NUP50: variants seen among roughly 807,000 people sequenced by gnomAD.
NUP50 encodes nucleoporin 50, also known as nuclear pore complex protein Nup50.
Under a neutral mutation model 36.8 loss-of-function variants are expected in NUP50, and 14 were observed. That is an observed-to-expected ratio of 0.38 (90% confidence interval 0.25 to 0.59). The LOEUF (loss-of-function observed/expected upper bound fraction) is 0.59, where lower values mean the gene tolerates loss of function less well. Among genes scored for constraint, NUP50 ranks in the 20% least tolerant of loss-of-function variants. The pLI is 0.63. For synonymous variants in NUP50, 195 were observed against 210.8 expected (o/e 0.93, Z 0.65); for missense variants, 455 against 564.6 (o/e 0.81, Z 1.97).
Position 45,172,525 on chromosome 22 carries a change from T to C in NUP50, c.153+842T>C, listed in dbSNP as rs112060160. Among the ~76,000 whole-genome samples the C allele has an allele frequency of 8.4e-3, 1,275 of 152,254 alleles. 13 individuals carry two copies. Among genetic ancestry groups the C allele is most frequent in the African/African-American group, 0.029 (1,211 of 41,554 alleles). On this transcript the variant is annotated intron_variant, in intron 3 of 7. Coordinates refer to ENST00000347635, the MANE Select transcript of NUP50 (RefSeq NM_007172.4). ...AGAGGTGCCGTGCCAGTAAGCATAA[T>C]GCAGACTTCCTGGGAGCGGAAATAC...
chr22:45,175,722 A>G (rs1031225287), intron 3 of NUP50, 172 bp from the exon 4 acceptor site: 1 of 567,790 alleles, frequency 1.8e-6, no homozygotes, highest in Middle Eastern at 4.7e-4. Flanking sequence ...GTTCTTATGA[A>G]TACAATCTTC....
chr22:45,164,090 C>G lies in NUP50; in HGVS notation c.-217C>G, dbSNP rs1422601309. ...CCGGCGCTCTCGCCTCCCTGCCGAA[C>G]ACAGCGTGAGGAGCCCCCCCAGGGA... On this transcript the variant is annotated 5_prime_UTR_variant, in exon 1 of 8. Transcript: ENST00000347635. 6.6e-6 allele frequency: 1 copy of G among 152,314 alleles called. No individual in the cohort carries two copies. Among genetic ancestry groups the G allele is most frequent in the Non-Finnish European group, 1.5e-5 (1 of 68,098 alleles). The allele number at this position is 152,314 out of a possible 1,614,324, so 9.4% of individuals were successfully genotyped here.
intron 1 of NUP50, among the ~76,000 whole-genome samples, chr22:45,167,422 G>A (rs1042071236): frequency 6.6e-6 from 1 of 152,154 alleles, no homozygotes; most frequent in African/African-American, 2.4e-5. Flanking sequence ...ACCCTCTTTG[G>A]TTAGGTGCCG....
At chr22:45,178,128 T>G in intron 4 of NUP50, 110 bp from the exon 5 acceptor site, 1 of 946,704 alleles carries the variant, frequency 1.1e-6, no homozygotes, top group Admixed American at 2.4e-5. Flanking sequence ...TGTCTTGGTG[T>G]GGGGGGAGAT....
Position 45,184,778 on chromosome 22 carries a change from G to C in NUP50, c.*123G>C. The stretch of plus-strand genomic sequence containing the variant: ...AACTTATAGATAACTTAAAACTTTT[G>C]TGAGGAAGATTAATGTGGCCAATAA... On this transcript the variant is annotated 3_prime_UTR_variant, in exon 8 of 8. Transcript: ENST00000347635. The C allele has an allele frequency of 1.4e-6, 1 of 710,554 alleles. No homozygotes were observed. Among genetic ancestry groups the C allele is most frequent in the Non-Finnish European group, 2.4e-6 (1 of 416,200 alleles). 44.0% of individuals were successfully genotyped at this position (710,554 alleles called of 1,614,324 possible). A position where few individuals can be genotyped will look rare whatever the true frequency, so the allele number is the denominator to read the frequency against.
chr22:45,165,866 TGAA>T (rs2074087127), intron 1 of NUP50: 1 of 152,244 alleles, frequency 6.6e-6, no homozygotes, highest in Admixed American at 6.5e-5. Context: ...GTTCCACAGA[TGAA>T]GAAACTGAGG....
At chr22:45,184,028 G>T (rs1010107363) in intron 7 of NUP50, 8 of 216,100 alleles carry the variant, frequency 3.7e-5, no homozygotes, top group African/African-American at 1.9e-4. Flanking sequence ...TGACTAGGGA[G>T]TAATAACATG....
At chr22:45,167,922 A>G (rs758219240) in intron 1 of NUP50, among the ~76,000 whole-genome samples, 18 of 152,150 alleles carry the variant, frequency 1.2e-4, no homozygotes, top group Non-Finnish European at 1.9e-4. Context: ...AGTGTTGTTC[A>G]GGACTGCTGG....
At chr22:45,183,366 T>G in intron 6 of NUP50, 36 bp from the exon 7 acceptor site, 1 of 1,243,044 alleles carries the variant, frequency 8.0e-7, no homozygotes, top group Non-Finnish European at 1.2e-6. Context: ...GATTCGTCCT[T>G]GAATGCTTGA....
intron 4 of NUP50, chr22:45,177,675 C>T (rs1368406470): frequency 6.5e-6 from 1 of 152,914 alleles, no homozygotes; most frequent in East Asian, 1.9e-4. Flanking sequence ...AGATAGGCGT[C>T]CTTTTGAAGG....
chr22:45,183,307 G>A (rs2074411542), intron 6 of NUP50, 95 bp from the exon 7 acceptor site: 5 of 737,102 alleles, frequency 6.8e-6, no homozygotes, highest in Admixed American at 2.2e-5. Flanking sequence ...ATTTAATAGA[G>A]ATTTTCCACA....
At chr22:45,183,288 C>T (rs2074411156) in intron 6 of NUP50, 114 bp from the exon 7 acceptor site, 1 of 675,598 alleles carries the variant, frequency 1.5e-6, no homozygotes, top group Non-Finnish European at 2.7e-6. Context: ...CCTGAAGCTT[C>T]CTGTACTCAT....
intron 2 of NUP50, among the ~76,000 whole-genome samples, chr22:45,169,705 T>C (rs1265647109): frequency 1.3e-5 from 2 of 152,232 alleles, no homozygotes; most frequent in Non-Finnish European, 2.9e-5. Context: ...CACGCCCGCA[T>C]AAGGGCCGCT....
Position 45,186,669 on chromosome 22 carries a change from G to C in NUP50, c.*2014G>C, listed in dbSNP as rs1232589892. 1.3e-5 allele frequency: 2 copies of C among 152,594 alleles called. No homozygotes were observed. The highest frequency in any genetic ancestry group is 4.8e-5 in the African/African-American group (2 of 41,422). 9.5% of individuals were successfully genotyped at this position (152,594 alleles called of 1,614,324 possible). ...TAGTTTATATATTTTTAAATTAGTA[G>C]GTATGTGTGGCTTCCTTTTTTCCTA... On this transcript the variant is annotated 3_prime_UTR_variant, in exon 8 of 8. Transcript: ENST00000347635.
At chr22:45,171,996 A>T (rs2074202681) in intron 3 of NUP50, 1 of 287,120 alleles carries the variant, frequency 3.5e-6, no homozygotes, top group East Asian at 6.9e-5. Context: ...AAACGCAAGG[A>T]TCTTCTGAGA....
intron 3 of NUP50, among the ~76,000 whole-genome samples, chr22:45,174,035 A>C (rs2147680318): frequency 6.6e-6 from 1 of 152,334 alleles, no homozygotes; most frequent in Non-Finnish European, 1.5e-5. Flanking sequence ...AAAAAAGACC[A>C]AAATCATCTT....
intron 2 of NUP50, among the ~76,000 whole-genome samples, chr22:45,169,928 C>T (rs1432724193): frequency 1.3e-5 from 2 of 152,234 alleles, no homozygotes; most frequent in African/African-American, 2.4e-5. Flanking sequence ...GGTCACACTC[C>T]TTGTCCACAT....
At chr22:45,180,800 A>G (rs1282696170) in intron 5 of NUP50, among the ~76,000 whole-genome samples, 1 of 151,666 alleles carries the variant, frequency 6.6e-6, no homozygotes, top group Non-Finnish European at 1.5e-5. Flanking sequence ...AATTACTTAC[A>G]CTGGGGCTTT....
intron 3 of NUP50, among the ~76,000 whole-genome samples, chr22:45,175,093 A>G (rs2074256771): frequency 6.6e-6 from 1 of 152,206 alleles, no homozygotes; most frequent in South Asian, 2.1e-4. Flanking sequence ...TTCTTCGAAC[A>G]ACAACAAAAA....
Sources: allele counts gnomAD v4.1 joint callset (sites outside exome capture counted in the v4.1 genomes callset), GRCh38; gene constraint gnomAD v4.1.1; transcripts MANE v1.5; gene names NCBI Gene and HGNC (gene_info 2026-07-23, HGNC 2026-07-21).